The following PARP11 variants were observed in gnomAD, a reference collection of about 807,000 sequenced individuals.
PARP11 encodes the protein poly(ADP-ribose) polymerase family member 11.
A neutral mutation model predicts 42.9 loss-of-function variants in PARP11; 31 were observed. That is an observed-to-expected ratio of 0.72 (90% CI 0.54 to 0.98). The LOEUF (loss-of-function observed/expected upper bound fraction) is 0.98, where lower values mean the gene tolerates loss of function less well. Ranked by LOEUF, PARP11 falls within the 50% of genes least tolerant of loss-of-function variation. PARP11 has a pLI of 0.00. For missense variants in PARP11, 365 were observed against 413.1 expected (o/e 0.88, Z 1.01); for synonymous variants, 137 against 127.3 (o/e 1.08, Z -0.51).
rs887794359 is a variant in PARP11, at chr12:3,841,340, C to T, written c.19-11322G>A. The T allele has an allele frequency of 4.5e-5, 56 of 1,233,270 alleles. No homozygotes were observed. The Admixed American group carries it at 8.7e-4, about 19-fold the overall frequency. 76.4% of individuals were successfully genotyped at this position (1,233,270 alleles called of 1,614,324 possible). A position where few individuals can be genotyped will look rare whatever the true frequency, so the allele number is the denominator to read the frequency against. On this transcript the variant is annotated intron_variant, in intron 1 of 7. Transcript: ENST00000228820. ...TGGGCCCCACATTCTTACCTGTACCCTCTGCACCAGGCCTACCTGGCAGCC... is the reference window on the plus strand; with the variant it reads ...TGGGCCCCACATTCTTACCTGTACCTTCTGCACCAGGCCTACCTGGCAGCC...
At chr12:3,816,418 C>T (rs1050701884) in intron 6 of PARP11, among the ~76,000 whole-genome samples, 10 of 152,132 alleles carry the variant, frequency 6.6e-5, no homozygotes, top group African/African-American at 2.2e-4. Context: ...TTACTCTTTG[C>T]GTAAGACTTT....
intron 6 of PARP11, among the ~76,000 whole-genome samples, chr12:3,814,531 A>C (rs903114037): frequency 1.3e-5 from 2 of 152,212 alleles, no homozygotes; most frequent in African/African-American, 4.8e-5. Context: ...AACAAGTAAT[A>C]CAAAGTTTGC....
chr12:3,829,102 T>G, intron 2 of PARP11, 72 bp from the exon 3 acceptor site: 2 of 1,564,012 alleles, frequency 1.3e-6, no homozygotes, highest in Non-Finnish European at 1.8e-6. Context: ...GGTGGTACTG[T>G]GGTCATAGAG....
At chr12:3,837,199 C>T (rs919611311) in intron 1 of PARP11, among the ~76,000 whole-genome samples, 3 of 152,176 alleles carry the variant, frequency 2.0e-5, no homozygotes. Flanking sequence ...TCAGCCTTCC[C>T]GCACTGCCAG....
intron 4 of PARP11, among the ~76,000 whole-genome samples, chr12:3,824,259 G>T (rs1849309469): frequency 6.6e-6 from 1 of 152,114 alleles, no homozygotes; most frequent in Admixed American, 6.5e-5. Context: ...GTTTGCCCAT[G>T]TTGATCTTCT....
At position 3,812,174 on chromosome 12, in the gene PARP11, C is replaced by T. The variant is rs1301389487; in HGVS notation, c.966G>A (p.Val322=). 1.9e-6 allele frequency: 3 copies of T among 1,613,782 alleles called. No individual in the cohort carries two copies. The highest frequency in any genetic ancestry group is 1.6e-4 in the Middle Eastern group (1 of 6,062). The stretch of plus-strand genomic sequence containing the variant: ...GATAGATTTGGTTGGCATCAAAAAC[C>T]ACAAAGATCTTTGGGTTCCAGGTAT... ...VDDTWNPKIF[V]VFDANQIYPE... The change falls in exon 8 of 8, where the codon GTG becomes GTA. Residue 322 remains valine, a synonymous_variant. Transcript: ENST00000228820.
intron 1 of PARP11, among the ~76,000 whole-genome samples, chr12:3,860,257 T>C (rs1053019985): frequency 1.3e-5 from 2 of 152,068 alleles, no homozygotes; most frequent in East Asian, 3.9e-4. Context: ...TGAAGGAGGG[T>C]TGGTAGACTT....
At position 3,809,061 on chromosome 12, in the gene PARP11, A is replaced by C. The variant is rs1486625105; in HGVS notation, c.*3062T>G. 1 of 152,144 alleles carries C rather than the reference A, an allele frequency of 6.6e-6. No individual in the cohort carries two copies. The highest frequency in any genetic ancestry group is 1.5e-5 in the Non-Finnish European group (1 of 68,034). 9.4% of individuals were successfully genotyped at this position (152,144 alleles called of 1,614,324 possible). A position where few individuals can be genotyped will look rare whatever the true frequency, so the allele number is the denominator to read the frequency against. ...GAGGCTGATATCACCAAGGTGAAAA[A>C]GAAAAGTCATTATCAGCTGGAATGT... On this transcript the variant is annotated 3_prime_UTR_variant, in exon 8 of 8. Transcript: ENST00000228820.
At chr12:3,854,876 A>G (rs1179347267) in intron 1 of PARP11, among the ~76,000 whole-genome samples, 1 of 152,212 alleles carries the variant, frequency 6.6e-6, no homozygotes, top group African/African-American at 2.4e-5. Flanking sequence ...CAACGCAAAA[A>G]TCCTCAATAA....
intron 1 of PARP11, among the ~76,000 whole-genome samples, chr12:3,859,210 T>G (rs1453996864): frequency 6.6e-6 from 1 of 152,084 alleles, no homozygotes; most frequent in African/African-American, 2.4e-5. Context: ...CCAAGATACA[T>G]TATTATATAG....
At position 3,840,578 on chromosome 12, in the gene PARP11, T is replaced by C; in HGVS notation, c.19-10560A>G. 1 of 1,482,694 alleles carries C rather than the reference T, an allele frequency of 6.7e-7. No individual in the cohort carries two copies. Among genetic ancestry groups the C allele is most frequent in the South Asian group, 1.1e-5 (1 of 88,454 alleles). 91.8% of individuals were successfully genotyped at this position (1,482,694 alleles called of 1,614,324 possible). A position where few individuals can be genotyped will look rare whatever the true frequency, so the allele number is the denominator to read the frequency against. Reference sequence around the variant, plus strand: ...ATAAGAAAACCTGATCGTGAAAGAGTTGAGGATTCTGATCACACAAGTCGA... The same window carrying C: ...ATAAGAAAACCTGATCGTGAAAGAGCTGAGGATTCTGATCACACAAGTCGA... On this transcript the variant is annotated intron_variant, in intron 1 of 7. Transcript: ENST00000228820. The surrounding 1 kb of genome is among the most constrained non-coding windows in gnomAD (Gnocchi z 4.4).
At chr12:3,834,393 G>A (rs1453837576) in intron 1 of PARP11, among the ~76,000 whole-genome samples, 2 of 152,168 alleles carry the variant, frequency 1.3e-5, no homozygotes, top group Non-Finnish European at 2.9e-5. Flanking sequence ...AGCACTTTGG[G>A]AGGCCAAGAT....
At chr12:3,812,543 A>G (rs1206115143) in intron 7 of PARP11, 104 bp from the exon 8 acceptor site, 1 of 775,368 alleles carries the variant, frequency 1.3e-6, no homozygotes, top group Non-Finnish European at 2.0e-6. Flanking sequence ...ATTGTATAAT[A>G]AAAATAGATG....
chr12:3,826,014 C>T, intron 4 of PARP11, 144 bp downstream of exon 4: 2 of 507,954 alleles, frequency 3.9e-6, no homozygotes, highest in Non-Finnish European at 7.0e-6. Context: ...CAGGTGTGAG[C>T]CACTGCGCCT....
intron 4 of PARP11, among the ~76,000 whole-genome samples, chr12:3,822,502 G>C (rs1366277698): frequency 6.7e-6 from 1 of 148,878 alleles, no homozygotes; most frequent in Non-Finnish European, 1.5e-5. Flanking sequence ...GGGAGGCTGA[G>C]GCAGGAGAAT....
In PARP11 at chr12:3,811,998, C is replaced by A; in HGVS notation, c.*125G>T. On this transcript the variant is annotated 3_prime_UTR_variant, in exon 8 of 8. Coordinates refer to ENST00000228820, the MANE Select transcript of PARP11 (RefSeq NM_020367.6). ...TCAGTATGTCTTTTTATATGGAGGC[C>A]ACTTTTTTTCATATCTGTTTCAAAA... 1 of 706,794 alleles carries A rather than the reference C, an allele frequency of 1.4e-6. No homozygotes were observed. The highest frequency in any genetic ancestry group is 2.3e-5 in the South Asian group (1 of 44,034). 43.8% of individuals were successfully genotyped at this position (706,794 alleles called of 1,614,324 possible). A position where few individuals can be genotyped will look rare whatever the true frequency, so the allele number is the denominator to read the frequency against.
In PARP11 at chr12:3,858,818, G is replaced by A. The variant is rs144977708; in HGVS notation, c.18+14394C>T. 4.9e-3 allele frequency among the ~76,000 whole-genome samples: 746 copies of A among 152,100 alleles called. 19 individuals are homozygous for A. The highest frequency in any genetic ancestry group is 0.037 in the East Asian group (193 of 5,186). ...ATGTATGAATATTCAGGCTGGGTGC[G>A]GTGGCTCACGCCTGTAATCCCAGCA... On this transcript the variant is annotated intron_variant, in intron 1 of 7. Coordinates refer to ENST00000228820, the MANE Select transcript of PARP11 (RefSeq NM_020367.6).
intron 1 of PARP11, among the ~76,000 whole-genome samples, chr12:3,842,738 A>G (rs1455348474): frequency 6.6e-6 from 1 of 152,210 alleles, no homozygotes; most frequent in Non-Finnish European, 1.5e-5. Flanking sequence ...CTGTTTATCT[A>G]TCAAGTGACT....
rs1947407083 is a variant in PARP11 at position 3,822,080 on chromosome 12, C to G, written c.417+5G>C. 6.2e-7 allele frequency: 1 copy of G among 1,613,304 alleles called. No individual in the cohort carries two copies. Among genetic ancestry groups the G allele is most frequent in the African/African-American group, 1.3e-5 (1 of 75,024 alleles). On this transcript the variant is annotated splice_donor_5th_base_variant and intron_variant, in intron 5 of 7. Coordinates refer to ENST00000228820, the MANE Select transcript of PARP11 (RefSeq NM_020367.6). Reference sequence around the variant, plus strand: ...ATGGGTATATTCAGTCAATTCTGCTCTTACCTGATATGGTACTTGAGTATT... The same window carrying G: ...ATGGGTATATTCAGTCAATTCTGCTGTTACCTGATATGGTACTTGAGTATT...
Sources: gnomAD v4.1 joint callset for allele counts (sites outside exome capture counted in the v4.1 genomes callset) on GRCh38, gnomAD v4.1.1 for gene constraint, Gnocchi (gnomAD v3.1) non-coding constraint, MANE v1.5 for transcripts, NCBI Gene and HGNC (gene_info 2026-07-23, HGNC 2026-07-21) for gene names.